The following ARID5B variants were observed in gnomAD, a reference collection of about 807,000 sequenced individuals.
ARID5B encodes AT-rich interaction domain 5B, also known as AT-rich interactive domain-containing protein 5B.
ARID5B carries 13 observed loss-of-function variants against 97.2 expected under a neutral mutation model. That is an observed-to-expected ratio of 0.13 (90% CI 0.09 to 0.21). The LOEUF (loss-of-function observed/expected upper bound fraction) is 0.21. ARID5B is among the 10% of genes least tolerant of loss of function. The pLI, the probability that ARID5B is intolerant of heterozygous loss-of-function variation, is 1.00. For missense variants in ARID5B, 1,210 were observed against 1,465.3 expected (o/e 0.83, Z 2.84); for synonymous variants, 556 against 570.3 (o/e 0.97, Z 0.36).
chr10:62,080,558 C>T (rs980965383), intron 8 of ARID5B, among the ~76,000 whole-genome samples: 8 of 152,200 alleles, frequency 5.3e-5, no homozygotes, highest in African/African-American at 1.9e-4. Flanking sequence ...TGTACCTCAT[C>T]TTCAGAAAGG....
Position 62,033,602 on chromosome 10 carries a change from A to T in ARID5B, c.734-17286A>T, listed in dbSNP as rs193047936. 5.3e-3 allele frequency among the ~76,000 whole-genome samples: 809 copies of T among 152,312 alleles called. 5 individuals are homozygous for T. The highest frequency in any genetic ancestry group is 0.019 in the African/African-American group (785 of 41,562). ...TGCTAAGGGCCCAGGTGTTTCCAAAATGTCAGTAACTCTCCAACCAGCAAA... is the reference window on the plus strand; with the variant it reads ...TGCTAAGGGCCCAGGTGTTTCCAAATTGTCAGTAACTCTCCAACCAGCAAA... On this transcript the variant is annotated intron_variant, in intron 4 of 9. Coordinates refer to ENST00000279873, the MANE Select transcript of ARID5B (RefSeq NM_032199.3).
intron 3 of ARID5B, among the ~76,000 whole-genome samples, chr10:61,960,759 A>G (rs1838459363): frequency 6.6e-6 from 1 of 152,150 alleles, no homozygotes; most frequent in African/African-American, 2.4e-5. Flanking sequence ...TGTTAGGTAT[A>G]TCATAGGTGC....
chr10:62,059,394 C>T, intron 7 of ARID5B, 99 bp downstream of exon 7: 1 of 967,552 alleles, frequency 1.0e-6, no homozygotes, highest in South Asian at 1.4e-5. Flanking sequence ...ACATCACTGA[C>T]TGCCTTTTCA....
intron 3 of ARID5B, among the ~76,000 whole-genome samples, chr10:61,989,481 G>A (rs1392790299): frequency 1.3e-5 from 2 of 152,030 alleles, no homozygotes; most frequent in East Asian, 3.8e-4. Flanking sequence ...TAAATTTTGT[G>A]TTAATAAGTA....
At chr10:62,007,911 C>T (rs1221448454) in intron 4 of ARID5B, among the ~76,000 whole-genome samples, 2 of 152,096 alleles carry the variant, frequency 1.3e-5, no homozygotes, top group Admixed American at 6.6e-5. Flanking sequence ...CTTCTCTGAC[C>T]ATCCCTCTTC....
rs1316263671 is a variant in ARID5B at position 62,095,387 on chromosome 10, G to C, written c.*2357G>C. On this transcript the variant is annotated 3_prime_UTR_variant, in exon 10 of 10. Coordinates refer to ENST00000279873, the MANE Select transcript of ARID5B (RefSeq NM_032199.3). Reference sequence around the variant, plus strand: ...TTCGTGTCTCAAAAAAAAAAGGAGGGGGGGCATCTGTCCCCGGTGGAGCTC... The same window carrying C: ...TTCGTGTCTCAAAAAAAAAAGGAGGCGGGGCATCTGTCCCCGGTGGAGCTC... 5 of 233,384 alleles carry C rather than the reference G, an allele frequency of 2.1e-5. No individual in the cohort carries two copies. The Admixed American group carries it at 2.3e-4, about 11-fold the overall frequency. The allele number at this position is 233,384 out of a possible 1,614,324, so 14.5% of individuals were successfully genotyped here.
chr10:61,921,619 T>A (rs1235553136), intron 2 of ARID5B, among the ~76,000 whole-genome samples: 1 of 152,164 alleles, frequency 6.6e-6, no homozygotes, highest in East Asian at 1.9e-4. Context: ...CACTTTTGCC[T>A]AATTCTGTTT....
intron 4 of ARID5B, among the ~76,000 whole-genome samples, chr10:62,007,623 C>T (rs1564626156): frequency 6.6e-6 from 1 of 152,084 alleles, no homozygotes; most frequent in Admixed American, 6.5e-5. Flanking sequence ...GTTAACCTAC[C>T]CTTCTTGTGC....
Position 61,919,036 on chromosome 10 carries a change from T to TCCCC in ARID5B, c.276+16636_276+16639dup, listed in dbSNP as rs71022105. Among the ~76,000 whole-genome samples, 10 of 63,444 alleles carry TCCCC rather than the reference T, an allele frequency of 1.6e-4. 1 individual carries two copies. The highest frequency in any genetic ancestry group is 2.3e-4 in the Non-Finnish European group (8 of 35,284). 41.6% of individuals were successfully genotyped at this position (63,444 alleles called of 152,430 possible). On this transcript the variant is annotated intron_variant, in intron 2 of 9. Coordinates refer to ENST00000279873, the MANE Select transcript of ARID5B (RefSeq NM_032199.3). ...GTCTGCGTGACAGAGCCTGACTCCG[T>TCCCC]CCCCCCCCCCCCCCCCAAAAAAATA...
intron 4 of ARID5B, among the ~76,000 whole-genome samples, chr10:62,014,008 T>C (rs1456985101): frequency 6.6e-6 from 1 of 152,144 alleles, no homozygotes; most frequent in African/African-American, 2.4e-5. Flanking sequence ...CATCCTTTGA[T>C]GAAAACTTAG....
At chr10:61,942,255 T>TA (rs200771428) in intron 3 of ARID5B, among the ~76,000 whole-genome samples, 24 of 151,236 alleles carry the variant, frequency 1.6e-4, no homozygotes, top group Non-Finnish European at 3.2e-4. Context: ...TCTTGGATTC[T>TA]AAAAAAAAAG....
intron 3 of ARID5B, among the ~76,000 whole-genome samples, chr10:61,968,686 C>G (rs1432380005): frequency 6.6e-6 from 1 of 152,142 alleles, no homozygotes; most frequent in African/African-American, 2.4e-5. Context: ...ATACAGTGCC[C>G]TTGATTTTTC....
At chr10:61,969,542 T>G (rs1303496191) in intron 3 of ARID5B, among the ~76,000 whole-genome samples, 1 of 152,144 alleles carries the variant, frequency 6.6e-6, no homozygotes, top group Non-Finnish European at 1.5e-5. Flanking sequence ...GACCTGGCAT[T>G]TTGTGAAGGT....
At position 62,059,272 on chromosome 10, in the gene ARID5B, C is replaced by A; in HGVS notation, c.1078C>A (p.Gln360Lys). ...CCTTTGGACTATGTTTCAAGCTGCT[C>A]AAAAACTGGGAGGATATGAAACAGT... The part of the protein sequence containing the change: ...INLWTMFQAA[Q>K]KLGGYETITA... Residue 360 changes from glutamine (Q) to lysine (K), a missense_variant, in exon 7 of 10, where the codon CAA becomes AAA. This residue lies in a region of ARID5B where 59 missense variants were observed against 156.7 expected (regional missense o/e 0.38). Coordinates refer to ENST00000279873, the MANE Select transcript of ARID5B (RefSeq NM_032199.3). The A allele has an allele frequency of 1.2e-6, 2 of 1,612,066 alleles. No individual in the cohort carries two copies. The highest frequency in any genetic ancestry group is 2.2e-5 in the South Asian group (2 of 90,872).
rs374468757 is a variant in ARID5B at position 61,907,120 on chromosome 10, C to T, written c.276+4707C>T. ...GGACATGTGGGCTTCCAAATCCTACCGAATCAGGCTATCTTTCATCTCCAT... is the reference window on the plus strand; with the variant it reads ...GGACATGTGGGCTTCCAAATCCTACTGAATCAGGCTATCTTTCATCTCCAT... On this transcript the variant is annotated intron_variant, in intron 2 of 9. Transcript: ENST00000279873. 3.1e-4 allele frequency among the ~76,000 whole-genome samples: 47 copies of T among 152,292 alleles called. No individual in the cohort carries two copies. The South Asian group carries it at 9.5e-3, about 31-fold the overall frequency.
chr10:61,946,336 T>C (rs1844498636), intron 3 of ARID5B, among the ~76,000 whole-genome samples: 2 of 152,148 alleles, frequency 1.3e-5, no homozygotes, highest in African/African-American at 4.8e-5. Flanking sequence ...AATATAAATG[T>C]CTGTAAGAAG....
chr10:62,059,161 GAAA>G, intron 6 of ARID5B, 79 bp from the exon 7 acceptor site: 2 of 1,064,826 alleles, frequency 1.9e-6, no homozygotes, highest in Non-Finnish European at 2.7e-6. Flanking sequence ...CTTTCTCGTT[GAAA>G]AAAAAAATGT....
At chr10:61,959,403 A>G (rs552137187) in intron 3 of ARID5B, among the ~76,000 whole-genome samples, 1 of 152,310 alleles carries the variant, frequency 6.6e-6, no homozygotes, top group Admixed American at 6.5e-5. Context: ...TAATAGGTTC[A>G]GTGTTTGGCA....
At chr10:61,960,552 A>G (rs558045730) in intron 3 of ARID5B, among the ~76,000 whole-genome samples, 5 of 152,288 alleles carry the variant, frequency 3.3e-5, no homozygotes, top group African/African-American at 1.2e-4. Flanking sequence ...TTATAAGATT[A>G]TGAGTTTTGT....
Sources: allele counts gnomAD v4.1 joint callset (sites outside exome capture counted in the v4.1 genomes callset), GRCh38; gene constraint gnomAD v4.1.1; regional missense constraint gnomAD v4.1.1; transcripts MANE v1.5; gene names NCBI Gene and HGNC (gene_info 2026-07-23, HGNC 2026-07-21).